NBAS: variants seen among roughly 807,000 people sequenced by gnomAD.
NBAS encodes NAG/BC035112 fusion.
NBAS carries 219 observed loss-of-function variants against 302.5 expected under a neutral mutation model. The observed-to-expected ratio is 0.72, with a 90% CI of 0.65 to 0.81. The LOEUF (loss-of-function observed/expected upper bound fraction) is 0.81. Among genes scored for constraint, NBAS ranks in the 30% least tolerant of loss-of-function variants. NBAS has a pLI of 0.00. For missense variants in NBAS, 2,932 were observed against 2,841.6 expected (o/e 1.03, Z -0.72); for synonymous variants, 1,118 against 1,021.6 (o/e 1.09, Z -1.80).
At chr2:14,783,145 A>C in the NBAS span, among the ~76,000 whole-genome samples, 1 of 152,268 alleles carries the variant, frequency 6.6e-6, no homozygotes, top group East Asian at 1.9e-4. Context: ...AAAAATAAAA[A>C]TAAAACTGGG....
At chr2:14,880,163 T>C in the NBAS span, among the ~76,000 whole-genome samples, 7,836 of 152,156 alleles carry the variant, frequency 0.051, 245 homozygotes, top group African/African-American at 0.066. Context: ...AAAAACCATA[T>C]ACAGATGAAG....
rs1268699261 is a variant in NBAS, at chr2:15,186,723, A to G, written c.6711+19T>C. 6.2e-7 allele frequency: 1 copy of G among 1,613,688 alleles called. No homozygotes were observed. The highest frequency in any genetic ancestry group is 8.5e-7 in the Non-Finnish European group (1 of 1,179,834). Reference sequence around the variant, plus strand: ...AGCAAAGGCCACTCCTTAGGAAAGCACTCAAAATATCCACTCACCTCTGCA... The same window carrying G: ...AGCAAAGGCCACTCCTTAGGAAAGCGCTCAAAATATCCACTCACCTCTGCA... On this transcript the variant is annotated intron_variant, in intron 50 of 51. Transcript: ENST00000281513.
Position 15,398,026 on chromosome 2 carries a change from T to C in NBAS, c.3072-1551A>G, listed in dbSNP as rs903808513. On this transcript the variant is annotated intron_variant, in intron 26 of 51. Coordinates refer to ENST00000281513, the MANE Select transcript of NBAS (RefSeq NM_015909.4). Reference sequence around the variant, plus strand: ...GACAGGAGTGATGAGTGGGATATAGTCTACTTAAAGTCCTTCAGAAAATTA... The same window carrying C: ...GACAGGAGTGATGAGTGGGATATAGCCTACTTAAAGTCCTTCAGAAAATTA... Among the ~76,000 whole-genome samples, 5 of 152,308 alleles carry C rather than the reference T, an allele frequency of 3.3e-5. No individual in the cohort carries two copies. In the East Asian group the frequency reaches 5.8e-4, roughly 18 times the overall value.
chr2:15,290,784 A>G (rs1211354311), intron 41 of NBAS, among the ~76,000 whole-genome samples: 2 of 152,216 alleles, frequency 1.3e-5, no homozygotes, highest in Non-Finnish European at 2.9e-5. Context: ...AGGAGAAGAG[A>G]AAAACAATTC....
intron 28 of NBAS, among the ~76,000 whole-genome samples, chr2:15,390,027 G>T (rs2148400148): frequency 6.6e-6 from 1 of 152,258 alleles, no homozygotes; most frequent in South Asian, 2.1e-4. Context: ...TAGCAGAACT[G>T]GAAGAAATTC....
the NBAS span, among the ~76,000 whole-genome samples, chr2:14,881,692 A>C: frequency 7.2e-5 from 11 of 152,126 alleles, no homozygotes; most frequent in African/African-American, 2.7e-4. Flanking sequence ...TCCAGCTGCC[A>C]CCTGTTTTTG....
At chr2:15,267,427 T>C (rs1669128446) in intron 44 of NBAS, among the ~76,000 whole-genome samples, 1 of 152,220 alleles carries the variant, frequency 6.6e-6, no homozygotes, top group South Asian at 2.1e-4. Flanking sequence ...GTTTGTGTTC[T>C]CTAACCCTGA....
chr2:15,286,579 T>C (rs996957889), intron 42 of NBAS, among the ~76,000 whole-genome samples: 1 of 152,220 alleles, frequency 6.6e-6, no homozygotes, highest in Non-Finnish European at 1.5e-5. Context: ...ACTTACTGTA[T>C]TGTCTACCTA....
intron 17 of NBAS, 80 bp downstream of exon 17, chr2:15,468,302 G>A (rs1679811303): frequency 6.5e-7 from 1 of 1,527,112 alleles, no homozygotes; most frequent in Non-Finnish European, 9.1e-7. Flanking sequence ...ATAAAGAAAA[G>A]TTTACCCAGT....
At chr2:14,980,862 G>C in the NBAS span, among the ~76,000 whole-genome samples, 4 of 152,122 alleles carry the variant, frequency 2.6e-5, no homozygotes, top group Non-Finnish European at 5.9e-5. Context: ...CTATGGGCAG[G>C]TAAAATCCAG....
chr2:15,186,992 G>T, intron 49 of NBAS, 112 bp from the exon 50 acceptor site: 1 of 1,447,478 alleles, frequency 6.9e-7, no homozygotes. Flanking sequence ...CAGAATCTAG[G>T]TGACGTGCTG....
intron 38 of NBAS, among the ~76,000 whole-genome samples, chr2:15,316,620 T>G (rs905981736): frequency 3.3e-5 from 5 of 152,246 alleles, no homozygotes; most frequent in Non-Finnish European, 2.9e-5. Flanking sequence ...CCTTGCTCAC[T>G]GCTAGCGCAG....
the NBAS span, among the ~76,000 whole-genome samples, chr2:14,994,312 G>A: frequency 6.6e-6 from 1 of 152,224 alleles, no homozygotes; most frequent in Non-Finnish European, 1.5e-5. Flanking sequence ...ATGGTGAAGG[G>A]ATTGTTTCCA....
chr2:15,232,590 T>A lies in NBAS; in HGVS notation c.6147-79A>T. 5 of 1,331,194 alleles carry A rather than the reference T, an allele frequency of 3.8e-6. No homozygotes were observed. The South Asian group carries it at 6.1e-5, about 16-fold the overall frequency. The allele number at this position is 1,331,194 out of a possible 1,614,324, so 82.5% of individuals were successfully genotyped here. A position where few individuals can be genotyped will look rare whatever the true frequency, so the allele number is the denominator to read the frequency against. On this transcript the variant is annotated intron_variant, in intron 46 of 51. Coordinates refer to ENST00000281513, the MANE Select transcript of NBAS (RefSeq NM_015909.4). ...TAAACTTGGTATTCACACCCTTAAATGAACCTGGCTGGATTTTGGCACAGT... is the reference window on the plus strand; with the variant it reads ...TAAACTTGGTATTCACACCCTTAAAAGAACCTGGCTGGATTTTGGCACAGT...
At position 15,258,387 on chromosome 2, in the gene NBAS, G is replaced by A. The variant is rs192048643; in HGVS notation, c.5724+17097C>T. Among the ~76,000 whole-genome samples, 53 of 152,232 alleles carry A rather than the reference G, an allele frequency of 3.5e-4. No individual in the cohort carries two copies. In the East Asian group the frequency reaches 9.8e-3, roughly 28 times the overall value. ...GAACCATGAGGTCTGACTGCCTGTGGGGTTGGGCAAAAAGAGCCATATTTT... is the reference window on the plus strand; with the variant it reads ...GAACCATGAGGTCTGACTGCCTGTGAGGTTGGGCAAAAAGAGCCATATTTT... On this transcript the variant is annotated intron_variant, in intron 44 of 51. Transcript: ENST00000281513.
At chr2:15,031,829 T>C in the NBAS span, among the ~76,000 whole-genome samples, 2 of 152,174 alleles carry the variant, frequency 1.3e-5, no homozygotes, top group African/African-American at 2.4e-5. Context: ...TGGGGTCAGA[T>C]GGGGCCCTGT....
intron 35 of NBAS, among the ~76,000 whole-genome samples, chr2:15,345,095 T>C (rs937014700): frequency 2.6e-5 from 4 of 152,088 alleles, no homozygotes; most frequent in Non-Finnish European, 5.9e-5. Context: ...TGAAAACTGG[T>C]ACAAGACAAG....
At chr2:15,079,505 C>T in the NBAS span, among the ~76,000 whole-genome samples, 1 of 152,166 alleles carries the variant, frequency 6.6e-6, no homozygotes, top group African/African-American at 2.4e-5. Context: ...CTTTCCTCCT[C>T]CTTTCCAAGG....
At chr2:14,992,817 G>A in the NBAS span, among the ~76,000 whole-genome samples, 11 of 152,088 alleles carry the variant, frequency 7.2e-5, no homozygotes, top group East Asian at 3.9e-4. Flanking sequence ...AACCACCATC[G>A]ATTCTAAACT....
Sources: gnomAD v4.1 joint callset for allele counts (sites outside exome capture counted in the v4.1 genomes callset) on GRCh38, gnomAD v4.1.1 for gene constraint, MANE v1.5 for transcripts, NCBI Gene and HGNC (gene_info 2026-07-23, HGNC 2026-07-21) for gene names.